PRKCB: variants seen among roughly 807,000 people sequenced by gnomAD.
PRKCB encodes protein kinase C beta type.
A neutral mutation model predicts 81.5 loss-of-function variants in PRKCB; 13 were observed. The observed-to-expected ratio is 0.16, with a 90% CI of 0.10 to 0.25. PRKCB has a LOEUF of 0.25. PRKCB is among the 10% of genes least tolerant of loss of function. The pLI is 1.00. For missense variants in PRKCB, 509 were observed against 875.7 expected (o/e 0.58, Z 5.29); for synonymous variants, 335 against 321.4 (o/e 1.04, Z -0.45).
intron 1 of PRKCB, 40 bp downstream of exon 1, chr16:23,836,388 G>C (rs749775939): frequency 5.0e-6 from 8 of 1,587,752 alleles, no homozygotes; most frequent in Non-Finnish European, 6.8e-6. Context: ...GGGCCCCCGA[G>C]GGCAGCGCCG....
At chr16:23,924,311 G>A (rs925800598) in intron 2 of PRKCB, among the ~76,000 whole-genome samples, 2 of 152,052 alleles carry the variant, frequency 1.3e-5, no homozygotes, top group African/African-American at 2.4e-5. Flanking sequence ...ATGCGGAACT[G>A]TGAGTCATTT....
chr16:23,988,632 A>G lies in PRKCB; in HGVS notation c.288+42A>G, dbSNP rs41276940. ...GATTGCTTTTCTCTGTCCACAGTCAATGCTGCCTTGTGATTAAATGTGAGT... is the reference window on the plus strand; with the variant it reads ...GATTGCTTTTCTCTGTCCACAGTCAGTGCTGCCTTGTGATTAAATGTGAGT... On this transcript the variant is annotated intron_variant, in intron 3 of 16. Coordinates refer to ENST00000643927, the MANE Select transcript of PRKCB (RefSeq NM_002738.7). 4.2e-3 allele frequency: 6,478 copies of G among 1,543,348 alleles called. 22 individuals are homozygous for G. Among genetic ancestry groups the G allele is most frequent in the East Asian group, 7.1e-3 (315 of 44,454 alleles).
chr16:24,124,350 T>C (rs1467654029), intron 9 of PRKCB, among the ~76,000 whole-genome samples: 1 of 152,136 alleles, frequency 6.6e-6, no homozygotes, highest in Non-Finnish European at 1.5e-5. Context: ...AAAATGTCAC[T>C]AGCAGAAGGA....
At chr16:24,122,312 G>T (rs946267760) in intron 8 of PRKCB, among the ~76,000 whole-genome samples, 3 of 152,130 alleles carry the variant, frequency 2.0e-5, no homozygotes, top group Admixed American at 6.5e-5. Flanking sequence ...AATCAGAGGG[G>T]CTCAGTCATC....
At chr16:24,191,761 G>A (rs1178283993) in intron 16 of PRKCB, among the ~76,000 whole-genome samples, 1 of 152,322 alleles carries the variant, frequency 6.6e-6, no homozygotes, top group South Asian at 2.1e-4. Flanking sequence ...AGAGACTGAA[G>A]TCCTCTTGAA....
In PRKCB at chr16:23,965,417, C is replaced by A. The variant is rs113658534; in HGVS notation, c.206-23091C>A. Among the ~76,000 whole-genome samples the A allele has an allele frequency of 7.9e-3, 1,203 of 152,302 alleles. 13 individuals carry two copies. The highest frequency in any genetic ancestry group is 0.048 in the South Asian group (230 of 4,826). ...CGTGGATGGGCACCTCCGTTGATTT[C>A]TTGTCTTTGCTATTGCATCACTTAC... On this transcript the variant is annotated intron_variant, in intron 2 of 16. Coordinates refer to ENST00000643927, the MANE Select transcript of PRKCB (RefSeq NM_002738.7).
intron 13 of PRKCB, among the ~76,000 whole-genome samples, chr16:24,182,205 G>A (rs1967637351): frequency 6.6e-6 from 1 of 152,086 alleles, no homozygotes; most frequent in South Asian, 2.1e-4. Flanking sequence ...GCAGTTTAGA[G>A]TCGTGAGGGA....
At chr16:24,047,091 C>G (rs567914987) in intron 5 of PRKCB, among the ~76,000 whole-genome samples, 20 of 152,046 alleles carry the variant, frequency 1.3e-4, no homozygotes, top group Non-Finnish European at 2.9e-4. Context: ...GTAATCCCAG[C>G]ACTTGGGGAG....
At chr16:24,026,249 CGCACCACT>C (rs1965478970) in intron 3 of PRKCB, among the ~76,000 whole-genome samples, 1 of 152,164 alleles carries the variant, frequency 6.6e-6, no homozygotes, top group African/African-American at 2.4e-5. Flanking sequence ...GAGCTATGAT[CGCACCACT>C]GCACTCCAGC....
At chr16:24,187,043 C>T (rs746893407) in intron 15 of PRKCB, among the ~76,000 whole-genome samples, 4 of 152,134 alleles carry the variant, frequency 2.6e-5, no homozygotes, top group Non-Finnish European at 5.9e-5. Flanking sequence ...CCTCCACAGG[C>T]CCCCGTAGAC....
rs1962150664 is a variant in PRKCB, at chr16:23,836,195, G to A, written c.20G>A (p.Gly7Glu). 8 of 1,569,290 alleles carry A rather than the reference G, an allele frequency of 5.1e-6. No individual in the cohort carries two copies. The highest frequency in any genetic ancestry group is 6.9e-6 in the Non-Finnish European group (8 of 1,160,622). MADPAA[G>E]PPPSEGEEST... ...CGCAAGATGGCTGACCCGGCTGCGG[G>A]GCCGCCGCCGAGCGAGGGCGAGGAG... The change falls in exon 1 of 17, where the codon GGG becomes GAG. Residue 7 changes from glycine (G) to glutamate (E), a missense_variant. Gly to Glu is a moderately conservative substitution (Grantham distance 98, BLOSUM62 -2). Coordinates refer to ENST00000643927, the MANE Select transcript of PRKCB (RefSeq NM_002738.7).
At chr16:24,194,715 A>G (rs898199078) in intron 16 of PRKCB, among the ~76,000 whole-genome samples, 1 of 152,212 alleles carries the variant, frequency 6.6e-6, no homozygotes, top group African/African-American at 2.4e-5. Context: ...GTCATTATCA[A>G]CGAGATCCCT....
rs1963201713 is a variant in PRKCB at position 23,886,406 on chromosome 16, G to GTTTTTTTGTTTTTTTTTTGT, written c.205+49007_205+49008insGTTTTTTTTTTGTTTTTTTT. Among the ~76,000 whole-genome samples, 14 of 70,222 alleles carry GTTTTTTTGTTTTTTTTTTGT rather than the reference G, an allele frequency of 2.0e-4. 1 individual carries two copies. Among genetic ancestry groups the GTTTTTTTGTTTTTTTTTTGT allele is most frequent in the African/African-American group, 7.7e-4 (12 of 15,512 alleles). 46.1% of individuals were successfully genotyped at this position (70,222 alleles called of 152,430 possible). On this transcript the variant is annotated intron_variant, in intron 2 of 16. Transcript: ENST00000643927. ...AGGGTTGGACTATGGTGTGTTAGGT[G>GTTTTTTTGTTTTTTTTTTGT]TTTTTTTTTTTTTTTTTTTTTTTTT...
At chr16:24,194,452 A>G (rs570943371) in intron 16 of PRKCB, among the ~76,000 whole-genome samples, 17 of 152,302 alleles carry the variant, frequency 1.1e-4, no homozygotes, top group African/African-American at 4.1e-4. Flanking sequence ...ACCCACACCC[A>G]TATGTATCCC....
chr16:23,956,898 T>C (rs914707262), intron 2 of PRKCB, among the ~76,000 whole-genome samples: 19 of 148,248 alleles, frequency 1.3e-4, no homozygotes, highest in Non-Finnish European at 2.7e-4. Flanking sequence ...CTGGCATAAT[T>C]GGGAGGCCAT....
intron 2 of PRKCB, among the ~76,000 whole-genome samples, chr16:23,856,391 T>G (rs2188354): frequency 6.6e-6 from 1 of 152,118 alleles, no homozygotes; most frequent in Admixed American, 6.5e-5. Context: ...CTTCTATGTA[T>G]GTTTTTTAAA....
intron 2 of PRKCB, among the ~76,000 whole-genome samples, chr16:23,932,519 G>A (rs915635785): frequency 6.6e-6 from 1 of 152,192 alleles, no homozygotes. Context: ...ACTGAACCAG[G>A]TATGGCTCCA....
intron 3 of PRKCB, among the ~76,000 whole-genome samples, chr16:24,000,576 T>C (rs1418283519): frequency 1.3e-5 from 2 of 152,224 alleles, no homozygotes; most frequent in African/African-American, 4.8e-5. Flanking sequence ...ATTTTAAAAA[T>C]ATTTAAAATG....
chr16:24,118,443 G>A (rs1966760681), intron 8 of PRKCB, among the ~76,000 whole-genome samples: 1 of 152,214 alleles, frequency 6.6e-6, no homozygotes. Context: ...GGAGGTTAGG[G>A]AAAATCTACA....
Sources: allele counts gnomAD v4.1 joint callset (sites outside exome capture counted in the v4.1 genomes callset), GRCh38; gene constraint gnomAD v4.1.1; transcripts MANE v1.5; gene names NCBI Gene and HGNC (gene_info 2026-07-23, HGNC 2026-07-21).